The following ARSB variants were observed in gnomAD, a reference collection of about 807,000 sequenced individuals.
The protein encoded by ARSB is N-acetylgalactosamine-4-sulfatase.
In ARSB, 41 loss-of-function variants were observed where a neutral mutation model predicts 50.9. That is an observed-to-expected ratio of 0.81 (90% CI 0.63 to 1.04). The LOEUF is 1.04. Ranked by LOEUF, ARSB falls within the 50% of genes least tolerant of loss-of-function variation. ARSB has a pLI of 0.00. For synonymous variants in ARSB, 269 were observed against 284.8 expected (o/e 0.94, Z 0.56); for missense variants, 672 against 693.3 (o/e 0.97, Z 0.35).
At chr5:78,969,256 A>G in intron 1 of ARSB, 64 bp from the exon 2 acceptor site, 1 of 1,563,718 alleles carries the variant, frequency 6.4e-7, no homozygotes, top group African/African-American at 1.4e-5. Flanking sequence ...AAGCAGATAA[A>G]ATGGCCTTCT....
At chr5:78,801,452 C>T (rs563851353) in intron 6 of ARSB, among the ~76,000 whole-genome samples, 8 of 152,210 alleles carry the variant, frequency 5.3e-5, no homozygotes, top group South Asian at 2.1e-4. Context: ...TGGAAGAACA[C>T]GTGAGAGATG....
At chr5:78,822,121 G>A in intron 6 of ARSB, among the ~76,000 whole-genome samples, 1 of 152,082 alleles carries the variant, frequency 6.6e-6, no homozygotes, top group East Asian at 1.9e-4. Context: ...TTTCTTATAT[G>A]CTATTTTATT....
In ARSB at chr5:78,981,387, G is replaced by T. The variant is rs532089435; in HGVS notation, c.312+3550C>A. Among the ~76,000 whole-genome samples the T allele has an allele frequency of 5.3e-5, 8 of 152,264 alleles. 1 individual carries two copies. In the South Asian group the frequency reaches 1.7e-3, roughly 32 times the overall value. ...CATTTAAAATAGTTCATTTGTGAGGGCTGTGAACAATTAAATGTCTCACTA... is the reference window on the plus strand; with the variant it reads ...CATTTAAAATAGTTCATTTGTGAGGTCTGTGAACAATTAAATGTCTCACTA... On this transcript the variant is annotated intron_variant, in intron 1 of 7. Coordinates refer to ENST00000264914, the MANE Select transcript of ARSB (RefSeq NM_000046.5).
intron 5 of ARSB, among the ~76,000 whole-genome samples, chr5:78,845,428 T>G (rs1021374546): frequency 6.6e-6 from 1 of 152,102 alleles, no homozygotes; most frequent in East Asian, 1.9e-4. Flanking sequence ...GGTAGTTCTA[T>G]TTTTAGTTTT....
chr5:78,852,481 C>T (rs763816112), intron 5 of ARSB, among the ~76,000 whole-genome samples: 2,131 of 152,244 alleles, frequency 0.014, 28 homozygotes, highest in Non-Finnish European at 0.024. Context: ...TCTCTGGCTG[C>T]CCTTAACATT....
At chr5:78,970,710 T>C (rs1379875605) in intron 1 of ARSB, among the ~76,000 whole-genome samples, 5 of 152,112 alleles carry the variant, frequency 3.3e-5, no homozygotes, top group African/African-American at 9.7e-5. Flanking sequence ...TCCCAACACT[T>C]TGGGAGGCTA....
chr5:78,976,743 G>A (rs960511426), intron 1 of ARSB, among the ~76,000 whole-genome samples: 5 of 152,156 alleles, frequency 3.3e-5, no homozygotes, highest in Admixed American at 6.5e-5. Context: ...TGTTAGATTC[G>A]AAATGTTCTT....
At chr5:78,949,267 T>C (rs1039108138) in intron 4 of ARSB, among the ~76,000 whole-genome samples, 5 of 152,216 alleles carry the variant, frequency 3.3e-5, no homozygotes, top group African/African-American at 9.7e-5. Flanking sequence ...CCTTTACCGA[T>C]CACCAAATAT....
Position 78,839,427 on chromosome 5 carries a change from C to A in ARSB, c.1143-1G>T. Reference sequence around the variant, plus strand: ...AATTCTGGGGGATGGGCTTCCTTCACTGGAAAACAATTTTTAAGGGAATGT... The same window carrying A: ...AATTCTGGGGGATGGGCTTCCTTCAATGGAAAACAATTTTTAAGGGAATGT... On this transcript the variant is annotated splice_acceptor_variant, in intron 5 of 7. Transcript: ENST00000264914. LOFTEE classifies it high-confidence loss of function. The A allele has an allele frequency of 6.2e-7, 1 of 1,613,066 alleles. No individual in the cohort carries two copies.
rs993297698 is a variant in ARSB, at chr5:78,789,430, G to T, written c.1214-7456C>A. On this transcript the variant is annotated intron_variant, in intron 6 of 7. Coordinates refer to ENST00000264914, the MANE Select transcript of ARSB (RefSeq NM_000046.5). The stretch of plus-strand genomic sequence containing the variant: ...TAGAGATCAGCAAGAAATTAGTAGA[G>T]AATCTAATAATCCATCCAAAGTATG... Among the ~76,000 whole-genome samples, 3 of 152,206 alleles carry T rather than the reference G, an allele frequency of 2.0e-5. No homozygotes were observed. The South Asian group carries it at 6.2e-4, about 32-fold the overall frequency.
intron 4 of ARSB, among the ~76,000 whole-genome samples, chr5:78,923,300 C>G (rs1168189756): frequency 6.6e-6 from 1 of 152,202 alleles, no homozygotes; most frequent in Non-Finnish European, 1.5e-5. Flanking sequence ...AAGTGTGGCC[C>G]CATGGGCACT....
chr5:78,843,649 T>C (rs980364002), intron 5 of ARSB, among the ~76,000 whole-genome samples: 1 of 152,210 alleles, frequency 6.6e-6, no homozygotes, highest in South Asian at 2.1e-4. Flanking sequence ...AACAGTCTAA[T>C]TTTAGAACAT....
chr5:78,822,679 C>T (rs1744280590), intron 6 of ARSB, among the ~76,000 whole-genome samples: 1 of 152,106 alleles, frequency 6.6e-6, no homozygotes, highest in African/African-American at 2.4e-5. Flanking sequence ...GCTCTGTCAC[C>T]CAGGCTGGAG....
rs149571393 is a variant in ARSB at position 78,780,594 on chromosome 5, T to C, written c.1405A>G (p.Thr469Ala). 3.1e-6 allele frequency: 5 copies of C among 1,613,944 alleles called. No homozygotes were observed. In the African/African-American group the frequency reaches 5.3e-5, roughly 17 times the overall value. ...VSEIPSSDPPTKTLWLFDIDR... is the reference protein window; with the variant it reads ...VSEIPSSDPPAKTLWLFDIDR... ...ATATCAAAGAGCCAGAGGGTCTTGG[T>C]TGGTGGGTCTGATGAGGGTATCTCA... is the stretch of plus-strand genomic sequence containing the variant. The change falls in exon 8 of 8, where the codon ACC (threonine) becomes GCC (alanine). Residue 469 changes from threonine to alanine, a missense_variant. Transcript: ENST00000264914.
At chr5:78,889,038 C>T (rs1484723486) in intron 4 of ARSB, among the ~76,000 whole-genome samples, 2 of 152,226 alleles carry the variant, frequency 1.3e-5, no homozygotes, top group Non-Finnish European at 2.9e-5. Context: ...CTTGTACCCC[C>T]ACAGATGGCA....
At chr5:78,828,228 GTATTTTTAAAAATTTTGAGCTTTTC>G (rs1655070097) in intron 6 of ARSB, among the ~76,000 whole-genome samples, 5 of 142,616 alleles carry the variant, frequency 3.5e-5, no homozygotes, top group African/African-American at 1.5e-4. Context: ...TTTTTTGTGT[GTATTTTTAAAAATTTTGAGCTTTTC>G]TGTATTTTTA....
In ARSB at chr5:78,947,991, G is replaced by A. The variant is rs565585029; in HGVS notation, c.898+7304C>T. Among the ~76,000 whole-genome samples, 39 of 152,250 alleles carry A rather than the reference G, an allele frequency of 2.6e-4. No individual in the cohort carries two copies. The East Asian group carries it at 5.8e-3, about 23-fold the overall frequency. ...GATCAACCACGTGCAACAACATGGA[G>A]GGAACTGGAGGTCATTATATTAAGT... is the stretch of plus-strand genomic sequence containing the variant. On this transcript the variant is annotated intron_variant, in intron 4 of 7. Transcript: ENST00000264914.
chr5:78,935,641 A>G (rs1580085176), intron 4 of ARSB, among the ~76,000 whole-genome samples: 2 of 152,348 alleles, frequency 1.3e-5, no homozygotes, highest in South Asian at 4.1e-4. Context: ...AAGGCTAGAA[A>G]TGGTTTAATC....
chr5:78,926,267 T>C (rs189256128), intron 4 of ARSB, among the ~76,000 whole-genome samples: 1 of 152,304 alleles, frequency 6.6e-6, no homozygotes, highest in African/African-American at 2.4e-5. Context: ...GTTAAGCATC[T>C]GGGTTTTCTT....
Sources: gnomAD v4.1 joint callset for allele counts (sites outside exome capture counted in the v4.1 genomes callset) on GRCh38, gnomAD v4.1.1 for gene constraint, MANE v1.5 for transcripts, NCBI Gene and HGNC (gene_info 2026-07-23, HGNC 2026-07-21) for gene names.